RYR2: variants seen among roughly 807,000 people sequenced by gnomAD.
RYR2 encodes ryanodine receptor 2, also known as cardiac muscle ryanodine receptor-calcium release channel.
Under a neutral mutation model 601.1 loss-of-function variants are expected in RYR2, and 227 were observed. The observed-to-expected ratio is 0.38, with a 90% CI of 0.34 to 0.42. The LOEUF (loss-of-function observed/expected upper bound fraction) is 0.42. Among genes scored for constraint, RYR2 ranks in the 10% least tolerant of loss-of-function variants. The pLI is 1.00. For synonymous variants in RYR2, 2,223 were observed against 2,175.1 expected (o/e 1.02, Z -0.61); for missense variants, 4,646 against 6,156.5 (o/e 0.75, Z 8.21).
At chr1:237,555,933 T>TG (rs1244655907) in intron 27 of RYR2, among the ~76,000 whole-genome samples, 1 of 152,064 alleles carries the variant, frequency 6.6e-6, no homozygotes, top group Non-Finnish European at 1.5e-5. Flanking sequence ...AAATCAATGA[T>TG]GGTTATATTT....
intron 1 of RYR2, among the ~76,000 whole-genome samples, chr1:237,127,930 A>G (rs1206543453): frequency 6.6e-6 from 1 of 151,448 alleles, no homozygotes; most frequent in Non-Finnish European, 1.5e-5. Context: ...GGCTCCTCAC[A>G]TCCCAGACGA....
intron 10 of RYR2, among the ~76,000 whole-genome samples, chr1:237,392,501 G>A (rs1702468910): frequency 6.6e-6 from 1 of 152,066 alleles, no homozygotes; most frequent in Non-Finnish European, 1.5e-5. Flanking sequence ...CTTTCATTCT[G>A]GAGGCTTGAC....
At chr1:237,731,974 T>C in intron 77 of RYR2, 72 bp from the exon 78 acceptor site, 1 of 921,364 alleles carries the variant, frequency 1.1e-6, no homozygotes, top group Non-Finnish European at 1.7e-6. Flanking sequence ...ATTGCTGTCC[T>C]TCACAGTGCT....
intron 1 of RYR2, among the ~76,000 whole-genome samples, chr1:237,194,373 A>G (rs1311880578): frequency 1.3e-5 from 2 of 152,216 alleles, no homozygotes; most frequent in Non-Finnish European, 2.9e-5. Context: ...CCACCGTACT[A>G]TACATGAGTG....
intron 1 of RYR2, among the ~76,000 whole-genome samples, chr1:237,238,521 C>A (rs879655076): frequency 1.3e-5 from 2 of 152,200 alleles, no homozygotes; most frequent in African/African-American, 4.8e-5. Context: ...ATATTTGGCT[C>A]AGAGTAAACC....
chr1:237,382,914 G>T (rs1211956726), intron 8 of RYR2, among the ~76,000 whole-genome samples: 156 of 139,144 alleles, frequency 1.1e-3, no homozygotes, highest in South Asian at 4.1e-3. Context: ...ATTTGTTTTT[G>T]TTTTTTTTTT....
rs372698005 is a variant in RYR2, at chr1:237,530,358, G to A, written c.2823-69G>A. 1.0e-5 allele frequency: 12 copies of A among 1,157,654 alleles called. No individual in the cohort carries two copies. In the African/African-American group the frequency reaches 1.5e-4, roughly 15 times the overall value. 71.7% of individuals were successfully genotyped at this position (1,157,654 alleles called of 1,614,324 possible). A position where few individuals can be genotyped will look rare whatever the true frequency, so the allele number is the denominator to read the frequency against. ...TTCAAGGTTGTATCTCATTGCTACT[G>A]CTGCTGTCTTGGGTTATTCTGGACA... is the stretch of plus-strand genomic sequence containing the variant. On this transcript the variant is annotated intron_variant, in intron 24 of 104. Transcript: ENST00000366574.
At chr1:237,198,462 T>C (rs1680813574) in intron 1 of RYR2, among the ~76,000 whole-genome samples, 1 of 144,430 alleles carries the variant, frequency 6.9e-6, no homozygotes, top group Non-Finnish European at 1.5e-5. Flanking sequence ...TTTTTTTTGG[T>C]ATGGAAGTAT....
chr1:237,368,429 T>C (rs1164418679), intron 5 of RYR2, among the ~76,000 whole-genome samples: 2 of 152,104 alleles, frequency 1.3e-5, no homozygotes, highest in African/African-American at 4.8e-5. Context: ...GTATGGCATA[T>C]TCAGGGAAGG....
At chr1:237,443,358 G>GAA (rs1708078004) in intron 13 of RYR2, among the ~76,000 whole-genome samples, 1 of 152,138 alleles carries the variant, frequency 6.6e-6, no homozygotes, top group South Asian at 2.1e-4. Flanking sequence ...GAGGACAGTT[G>GAA]AAATTGTTTT....
chr1:237,178,416 CTGTGTGTGTGTGTGTGTG>C lies in RYR2; in HGVS notation c.49-92045_49-92028del, dbSNP rs201867544. The stretch of plus-strand genomic sequence containing the variant: ...TTAAGGCTCTTTTGTAGTTAAGGCT[CTGTGTGTGTGTGTGTGTG>C]TGTGTGTGTGTGTGTGTGTGTGTGT... On this transcript the variant is annotated intron_variant, in intron 1 of 104. Coordinates refer to ENST00000366574, the MANE Select transcript of RYR2 (RefSeq NM_001035.3). Among the ~76,000 whole-genome samples, 144 of 129,786 alleles carry C rather than the reference CTGTGTGTGTGTGTGTGTG, an allele frequency of 1.1e-3. 3 individuals are homozygous for C. In the South Asian group the frequency reaches 0.019, roughly 17 times the overall value. The allele number at this position is 129,786 out of a possible 152,430, so 85.1% of individuals were successfully genotyped here.
At chr1:237,566,491 CT>C (rs2148250757) in intron 27 of RYR2, 75 bp from the exon 28 acceptor site, 1 of 1,396,320 alleles carries the variant, frequency 7.2e-7, no homozygotes, top group South Asian at 1.3e-5. Context: ...ATCTTTCCTT[CT>C]TTTATTTATG....
intron 17 of RYR2, among the ~76,000 whole-genome samples, chr1:237,489,170 A>G (rs1663045656): frequency 6.6e-6 from 1 of 152,166 alleles, no homozygotes; most frequent in Non-Finnish European, 1.5e-5. Flanking sequence ...AACTTAAATA[A>G]CCCAACGAGC....
Position 237,791,466 on chromosome 1 carries a change from T to C in RYR2, c.13514T>C (p.Leu4505Ser). 1 of 1,579,630 alleles carries C rather than the reference T, an allele frequency of 6.3e-7. No homozygotes were observed. The highest frequency in any genetic ancestry group is 8.6e-7 in the Non-Finnish European group (1 of 1,159,320). Reference protein sequence around the residue: ...FARNFYNMRMLALFVAFAINF... With the variant: ...FARNFYNMRMSALFVAFAINF... Reference sequence around the variant, plus strand: ...CGCAACTTTTACAACATGAGAATGTTAGCCTTATTTGTCGCATTTGCTATC... The same window carrying C: ...CGCAACTTTTACAACATGAGAATGTCAGCCTTATTTGTCGCATTTGCTATC... The change falls in exon 93 of 105, where the codon TTA becomes TCA. Residue 4505 changes from leucine (L) to serine (S), a missense_variant. Physicochemically the swap from Leu to Ser is moderately radical, Grantham distance 145 (BLOSUM62 -2). This residue lies in a region of RYR2 where 364 missense variants were observed against 442.9 expected (regional missense o/e 0.82). Transcript: ENST00000366574.
At chr1:237,356,066 T>C (rs1699269896) in intron 4 of RYR2, 81 bp downstream of exon 4, 1 of 1,299,862 alleles carries the variant, frequency 7.7e-7, no homozygotes, top group Admixed American at 1.9e-5. Flanking sequence ...TCATTTTGCT[T>C]CCTAGTGTGG....
chr1:237,331,070 C>G (rs563350858), intron 3 of RYR2, 88 bp downstream of exon 3: 1 of 1,125,816 alleles, frequency 8.9e-7, no homozygotes, highest in Non-Finnish European at 1.3e-6. Context: ...CAGAGATTTT[C>G]TTTTTGCTAA....
rs186119325 is a variant in RYR2, at chr1:237,631,845, G to A, written c.6555+304G>A. 3.6e-3 allele frequency among the ~76,000 whole-genome samples: 503 copies of A among 137,974 alleles called. 6 individuals are homozygous for A. In the East Asian group the frequency reaches 0.039, roughly 11 times the overall value. The allele number at this position is 137,974 out of a possible 152,430, so 90.5% of individuals were successfully genotyped here. A position where few individuals can be genotyped will look rare whatever the true frequency, so the allele number is the denominator to read the frequency against. The stretch of plus-strand genomic sequence containing the variant: ...GGGTTTCACTGTGTTAGCCAGGATG[G>A]TCTCGATCTCCTGACCTCGTGATCC... On this transcript the variant is annotated intron_variant, in intron 42 of 104. Transcript: ENST00000366574.
intron 77 of RYR2, among the ~76,000 whole-genome samples, chr1:237,731,308 A>G (rs1252821045): frequency 6.6e-6 from 1 of 152,158 alleles, no homozygotes; most frequent in African/African-American, 2.4e-5. Context: ...GAATTCTGCC[A>G]ATAAAAATGC....
At chr1:237,732,808 A>G (rs538276114) in intron 78 of RYR2, among the ~76,000 whole-genome samples, 1 of 152,318 alleles carries the variant, frequency 6.6e-6, no homozygotes, top group East Asian at 1.9e-4. Flanking sequence ...AGCAGAGGCT[A>G]GAGGACCTTT....
Sources: gnomAD v4.1 joint callset for allele counts (sites outside exome capture counted in the v4.1 genomes callset) on GRCh38, gnomAD v4.1.1 for gene constraint, gnomAD v4.1.1 regional missense constraint, MANE v1.5 for transcripts, NCBI Gene and HGNC (gene_info 2026-07-23, HGNC 2026-07-21) for gene names.